MGST2: variants seen among roughly 807,000 people sequenced by gnomAD.
MGST2 encodes glutathione peroxidase MGST2.
Under a neutral mutation model 16.6 loss-of-function variants are expected in MGST2, and 9 were observed. That is an observed-to-expected ratio of 0.54 (90% CI 0.33 to 0.95). The LOEUF (loss-of-function observed/expected upper bound fraction) is 0.95. Among genes scored for constraint, MGST2 ranks in the 40% least tolerant of loss-of-function variants. MGST2 has a pLI of 0.03. For missense variants in MGST2, 159 were observed against 175.1 expected (o/e 0.91, Z 0.52); for synonymous variants, 79 against 68.0 (o/e 1.16, Z -0.79).
rs985644230 is a variant in MGST2 at position 139,700,305 on chromosome 4, G to A, written c.230-3150G>A. 2.6e-5 allele frequency among the ~76,000 whole-genome samples: 4 copies of A among 151,458 alleles called. No homozygotes were observed. The South Asian group carries it at 6.2e-4, about 24-fold the overall frequency. ...TGCCACCACGCCCAGCTAATTTTTC[G>A]TATTTTTAGTAGAGATGCTGTTTCA... On this transcript the variant is annotated intron_variant, in intron 3 of 4. Transcript: ENST00000265498.
intron 3 of MGST2, among the ~76,000 whole-genome samples, chr4:139,695,783 T>C (rs1462060611): frequency 2.0e-5 from 3 of 152,240 alleles, no homozygotes; most frequent in Admixed American, 1.3e-4. Flanking sequence ...AGACAAACTA[T>C]ATGCTAGATA....
the MGST2 span, among the ~76,000 whole-genome samples, chr4:139,750,580 C>T: frequency 3.3e-4 from 51 of 152,280 alleles, no homozygotes; most frequent in Non-Finnish European, 2.1e-4. Flanking sequence ...TGATGAAACT[C>T]GACACACTGG....
At chr4:139,713,473 CAGAA>C (rs1332291733) in intron 5 of MGST2, among the ~76,000 whole-genome samples, 2 of 4,134 alleles carry the variant, frequency 4.8e-4, no homozygotes, top group Non-Finnish European at 1.1e-3. Context: ...AGTGGCAAGA[CAGAA>C]AAAAAAAAAA....
chr4:139,736,482 C>T (rs564153829), intron 5 of MGST2, among the ~76,000 whole-genome samples: 1 of 152,280 alleles, frequency 6.6e-6, no homozygotes, highest in African/African-American at 2.4e-5. Flanking sequence ...TCTGACCTCT[C>T]TCAGTCCCCA....
chr4:139,729,156 C>CAAAAAAAA (rs4057275), intron 5 of MGST2, among the ~76,000 whole-genome samples: 24 of 81,686 alleles, frequency 2.9e-4, no homozygotes, highest in South Asian at 5.3e-4. Context: ...GGAACAAAAG[C>CAAAAAAAA]AAAAAAAAAA....
chr4:139,730,244 C>T, intron 5 of MGST2: 1 of 639,034 alleles, frequency 1.6e-6, no homozygotes, highest in Non-Finnish European at 2.7e-6. Context: ...TAGGAAAAAC[C>T]CTAACTAATT....
At chr4:139,704,747 C>T (rs899886425), downstream of MGST2, among the ~76,000 whole-genome samples, 3 of 151,702 alleles carry the variant, frequency 2.0e-5, no homozygotes, top group Non-Finnish European at 4.4e-5. Context: ...ACAGTGAAAC[C>T]CTGTCTCTAC....
At chr4:139,716,965 T>G (rs751529455) in intron 5 of MGST2, 16 of 152,552 alleles carry the variant, frequency 1.0e-4, no homozygotes, top group Non-Finnish European at 1.9e-4. Context: ...TTAGATGTCA[T>G]CTGAAGTGCA....
At chr4:139,750,201 T>A in the MGST2 span, among the ~76,000 whole-genome samples, 2 of 152,118 alleles carry the variant, frequency 1.3e-5, no homozygotes, top group African/African-American at 4.8e-5. Flanking sequence ...AGGGTTCAGA[T>A]CCCCTGGGTG....
At chr4:139,707,445 C>T (rs1447742836), downstream of MGST2, among the ~76,000 whole-genome samples, 1 of 152,118 alleles carries the variant, frequency 6.6e-6, no homozygotes, top group Non-Finnish European at 1.5e-5. Context: ...TTAATCCAGT[C>T]TATCATTGTT....
intron 5 of MGST2, among the ~76,000 whole-genome samples, chr4:139,720,890 T>C (rs1022571436): frequency 3.3e-5 from 5 of 152,198 alleles, no homozygotes; most frequent in Non-Finnish European, 7.3e-5. Flanking sequence ...ATTAGACTAA[T>C]TTCCCTTAAG....
At chr4:139,690,686 T>C (rs148261951) in intron 2 of MGST2, among the ~76,000 whole-genome samples, 122 of 152,264 alleles carry the variant, frequency 8.0e-4, no homozygotes, top group African/African-American at 2.8e-3. Flanking sequence ...TCAGAAAAGT[T>C]TGGAGACTAG....
intron 5 of MGST2, chr4:139,719,970 C>A (rs778354868): frequency 1.4e-5 from 22 of 1,613,976 alleles, no homozygotes; most frequent in Non-Finnish European, 1.8e-5. Flanking sequence ...TGGGTAATGG[C>A]TGAGTTCACC....
At chr4:139,726,410 C>T (rs1317070577) in intron 5 of MGST2, among the ~76,000 whole-genome samples, 1 of 152,066 alleles carries the variant, frequency 6.6e-6, no homozygotes, top group Non-Finnish European at 1.5e-5. Context: ...CTGTACATGC[C>T]TTTGGTGAAC....
At chr4:139,730,919 C>T (rs1034012935) in intron 5 of MGST2, 9 of 556,450 alleles carry the variant, frequency 1.6e-5, no homozygotes, top group South Asian at 2.3e-5. Context: ...CAGTCTGTTT[C>T]GGATGGGACT....
At chr4:139,710,104 T>C (rs535616833) in intron 5 of MGST2, among the ~76,000 whole-genome samples, 1 of 152,152 alleles carries the variant, frequency 6.6e-6, no homozygotes, top group Non-Finnish European at 1.5e-5. Context: ...CTTTTAGGGG[T>C]TGGAGGTGGG....
intron 1 of MGST2, among the ~76,000 whole-genome samples, chr4:139,669,683 C>G (rs540807003): frequency 2.0e-5 from 3 of 152,346 alleles, no homozygotes; most frequent in Admixed American, 1.3e-4. Context: ...AGAAAGCTTC[C>G]CCTTCACCCT....
At chr4:139,689,263 A>T (rs2110857940) in intron 2 of MGST2, among the ~76,000 whole-genome samples, 1 of 152,198 alleles carries the variant, frequency 6.6e-6, no homozygotes, top group East Asian at 1.9e-4. Context: ...GGGAGCTGGG[A>T]GGTGGAGGAA....
chr4:139,723,888 C>A (rs898946204), intron 5 of MGST2, among the ~76,000 whole-genome samples: 2 of 152,158 alleles, frequency 1.3e-5, no homozygotes, highest in Non-Finnish European at 2.9e-5. Flanking sequence ...TCTCAAGCCC[C>A]GCTTCAGATT....
Sources: gnomAD v4.1 joint callset for allele counts (sites outside exome capture counted in the v4.1 genomes callset) on GRCh38, gnomAD v4.1.1 for gene constraint, MANE v1.5 for transcripts, NCBI Gene and HGNC (gene_info 2026-07-23, HGNC 2026-07-21) for gene names.